Variants in OR4F15 observed in about 807,000 individuals in gnomAD.
The protein encoded by OR4F15 is olfactory receptor family 4 subfamily F member 15, also known as olfactory receptor 4F15.
In OR4F15, 7 loss-of-function variants were observed where a neutral mutation model predicts 11.9. The ratio of observed to expected loss-of-function variants is 0.59; its 90% CI spans 0.33 to 1.10. The LOEUF is 1.10. OR4F15 is among the 50% of genes least tolerant of loss of function. OR4F15 has a pLI of 0.03. For missense variants in OR4F15, 445 were observed against 377.5 expected, an observed-to-expected ratio of 1.18 and a Z score of -1.48; for synonymous variants, 151 against 134.6, an observed-to-expected ratio of 1.12 and a Z score of -0.84.
Position 101,819,351 on chromosome 15 carries a change from C to A in OR4F15, c.*226C>A. The A allele has an allele frequency of 2.1e-6, 1 of 477,942 alleles. No individual in the cohort carries two copies. Among genetic ancestry groups the A allele is most frequent in the Non-Finnish European group, 3.7e-6 (1 of 272,028 alleles). 29.6% of individuals were successfully genotyped at this position (477,942 alleles called of 1,614,324 possible). A position where few individuals can be genotyped will look rare whatever the true frequency, so the allele number is the denominator to read the frequency against. On this transcript the variant is annotated 3_prime_UTR_variant, in exon 2 of 2. Transcript: ENST00000332238. ...AATCTTAATGTCTTTTGTAACCTAC[C>A]ACTTTGAAAGACCTTGTTCTAGGTG... is the stretch of plus-strand genomic sequence containing the variant.
chr15:101,817,374 T>G (rs1312400017), intron 1 of OR4F15, among the ~76,000 whole-genome samples: 1 of 152,208 alleles, frequency 6.6e-6, no homozygotes, highest in African/African-American at 2.4e-5. Context: ...AATTTACGCC[T>G]TCATTCAACA....
Position 101,819,303 on chromosome 15 carries a change from G to A in OR4F15, c.*178G>A. ...AAGTGATGTTATCCTTTGGCACAGT[G>A]TGCATCAAAGTGCTAAATATTAAAT... On this transcript the variant is annotated 3_prime_UTR_variant, in exon 2 of 2. Transcript: ENST00000332238. 1 of 558,470 alleles carries A rather than the reference G, an allele frequency of 1.8e-6. No individual in the cohort carries two copies. Among genetic ancestry groups the A allele is most frequent in the Non-Finnish European group, 3.1e-6 (1 of 317,810 alleles). 34.6% of individuals were successfully genotyped at this position (558,470 alleles called of 1,614,324 possible). A position where few individuals can be genotyped will look rare whatever the true frequency, so the allele number is the denominator to read the frequency against.
At position 101,818,636 on chromosome 15, in the gene OR4F15, C is replaced by G; in HGVS notation, c.450C>G (p.Ile150Met). Residue 150 changes from isoleucine (I) to methionine (M), a missense_variant, in exon 2 of 2, where the codon ATC becomes ATG. Transcript: ENST00000332238. ...MCLYFLATSS[I>M]IGLIHSLVQL... is the part of the protein sequence containing the mutation. Reference sequence around the variant, plus strand: ...TATACTTTTTAGCCACTTCCTCTATCATTGGCCTTATCCACTCATTGGTCC... The same window carrying G: ...TATACTTTTTAGCCACTTCCTCTATGATTGGCCTTATCCACTCATTGGTCC... 1 of 1,614,134 alleles carries G rather than the reference C, an allele frequency of 6.2e-7. No homozygotes were observed. The highest frequency in any genetic ancestry group is 8.5e-7 in the Non-Finnish European group (1 of 1,179,984).
At chr15:101,813,516 A>G (rs920697598) in intron 1 of OR4F15, among the ~76,000 whole-genome samples, 1 of 151,888 alleles carries the variant, frequency 6.6e-6, no homozygotes, top group Non-Finnish European at 1.5e-5. Flanking sequence ...CTCAAAAAAA[A>G]AAAAAAAAAA....
chr15:101,816,386 C>T (rs1328035281), intron 1 of OR4F15, among the ~76,000 whole-genome samples: 1 of 152,122 alleles, frequency 6.6e-6, no homozygotes, highest in Non-Finnish European at 1.5e-5. Context: ...AGGAATGCAG[C>T]TCTGTTGACA....
intron 1 of OR4F15, among the ~76,000 whole-genome samples, chr15:101,812,991 C>G (rs529955872): frequency 6.6e-6 from 1 of 152,080 alleles, no homozygotes; most frequent in East Asian, 1.9e-4. Context: ...GAAGATGGAT[C>G]CTTTGAGGAA....
At chr15:101,815,393 C>T (rs866698022) in intron 1 of OR4F15, among the ~76,000 whole-genome samples, 1 of 151,420 alleles carries the variant, frequency 6.6e-6, no homozygotes, top group African/African-American at 2.4e-5. Flanking sequence ...GTATGTGAAA[C>T]ATGACCCCAC....
chr15:101,818,248 G>T lies in OR4F15; in HGVS notation c.62G>T (p.Arg21Leu), dbSNP rs142759394. ...EFVFMGLTNS[R>L]EIQLLLFVFS... ...GTATTCATGGGACTCACCAACTCAC[G>T]GGAGATTCAGCTTCTACTTTTTGTT... The change falls in exon 2 of 2, where the codon CGG becomes CTG. Residue 21 changes from arginine (R) to leucine (L), a missense_variant. Physicochemically the swap from Arg to Leu is moderately radical, Grantham distance 102 (BLOSUM62 -2). Coordinates refer to ENST00000332238, the MANE Select transcript of OR4F15 (RefSeq NM_001001674.2). 6.2e-7 allele frequency: 1 copy of T among 1,613,870 alleles called. No homozygotes were observed. Among genetic ancestry groups the T allele is most frequent in the South Asian group, 1.1e-5 (1 of 91,056 alleles).
intron 1 of OR4F15, among the ~76,000 whole-genome samples, chr15:101,813,844 G>C (rs891084246): frequency 1.3e-5 from 2 of 152,160 alleles, no homozygotes; most frequent in African/African-American, 4.8e-5. Flanking sequence ...CAATTGTTTA[G>C]TGTAAATAGA....
chr15:101,818,197 T>C lies in OR4F15; in HGVS notation c.11T>C (p.Met4Thr), dbSNP rs1903024765. 1 of 1,604,548 alleles carries C rather than the reference T, an allele frequency of 6.2e-7. No homozygotes were observed. Among genetic ancestry groups the C allele is most frequent in the East Asian group, 2.2e-5 (1 of 44,780 alleles). MNG[M>T]NHSVVSEFVF... is the part of the protein sequence containing the mutation. Reference sequence around the variant, plus strand: ...TTGGAGTCTGAGGCAATGAATGGAATGAATCACTCTGTGGTATCAGAATTT... The same window carrying C: ...TTGGAGTCTGAGGCAATGAATGGAACGAATCACTCTGTGGTATCAGAATTT... Residue 4 changes from methionine (M) to threonine (T), a missense_variant, in exon 2 of 2, where the codon ATG becomes ACG. Transcript: ENST00000332238.
In OR4F15 at chr15:101,813,508, CAAA is replaced by C. The variant is rs11311342; in HGVS notation, c.-38+1252_-38+1254del. 9.2e-3 allele frequency among the ~76,000 whole-genome samples: 985 copies of C among 107,312 alleles called. 13 individuals are homozygous for C. The highest frequency in any genetic ancestry group is 0.031 in the African/African-American group (883 of 28,218). 70.4% of individuals were successfully genotyped at this position (107,312 alleles called of 152,430 possible). On this transcript the variant is annotated intron_variant, in intron 1 of 1. Transcript: ENST00000332238. ...TGGGTGACAGAGTGAGAATCTGTCT[CAAA>C]AAAAAAAAAAAAAAATGCATGATAC...
At chr15:101,817,088 A>T (rs1395111455) in intron 1 of OR4F15, among the ~76,000 whole-genome samples, 1 of 152,222 alleles carries the variant, frequency 6.6e-6, no homozygotes, top group Non-Finnish European at 1.5e-5. Context: ...TTATATAAAA[A>T]TTGAGATTGA....
chr15:101,819,962 TTTAAAG>T lies in OR4F15; in HGVS notation c.*841_*846del, dbSNP rs1903077535. 2 of 152,212 alleles carry T rather than the reference TTTAAAG, an allele frequency of 1.3e-5. No individual in the cohort carries two copies. Among genetic ancestry groups the T allele is most frequent in the African/African-American group, 4.8e-5 (2 of 41,442 alleles). 9.4% of individuals were successfully genotyped at this position (152,212 alleles called of 1,614,324 possible). The stretch of plus-strand genomic sequence containing the variant: ...TAGTCCTATATTTAGAATATTCAAA[TTTAAAG>T]TTAGAGTGGATTACCAACACCATCT... On this transcript the variant is annotated 3_prime_UTR_variant, in exon 2 of 2. Transcript: ENST00000332238.
intron 1 of OR4F15, among the ~76,000 whole-genome samples, chr15:101,813,863 A>G (rs1902945892): frequency 6.6e-6 from 1 of 152,232 alleles, no homozygotes; most frequent in Non-Finnish European, 1.5e-5. Flanking sequence ...GATGATAACT[A>G]TAATTCATGT....
chr15:101,816,500 G>C (rs965851458), intron 1 of OR4F15, among the ~76,000 whole-genome samples: 1 of 152,056 alleles, frequency 6.6e-6, no homozygotes, highest in African/African-American at 2.4e-5. Flanking sequence ...GTGTGTGTGT[G>C]TGTGTGTGTG....
chr15:101,812,415 T>G (rs1434014644), intron 1 of OR4F15, 143 bp downstream of exon 1: 1 of 152,186 alleles, frequency 6.6e-6, no homozygotes, highest in Non-Finnish European at 1.5e-5. Flanking sequence ...TAGAAATGAC[T>G]TGGAGATCCA....
At chr15:101,812,648 G>T (rs1902926089) in intron 1 of OR4F15, among the ~76,000 whole-genome samples, 1 of 152,134 alleles carries the variant, frequency 6.6e-6, no homozygotes, top group African/African-American at 2.4e-5. Context: ...AAGTTCATCA[G>T]ATACTAGTCA....
chr15:101,814,045 G>T (rs192793450), intron 1 of OR4F15, among the ~76,000 whole-genome samples: 1 of 152,280 alleles, frequency 6.6e-6, no homozygotes, highest in East Asian at 1.9e-4. Context: ...GCCATTCAGC[G>T]ACCCAAAGAT....
At position 101,819,065 on chromosome 15, in the gene OR4F15, C is replaced by A. The variant is rs144280360; in HGVS notation, c.879C>A (p.Asp293Glu). The change falls in exon 2 of 2, where the codon GAC becomes GAA. Residue 293 changes from aspartate to glutamate, a missense_variant. Physicochemically the swap from Asp to Glu is conservative, Grantham distance 45. Coordinates refer to ENST00000332238, the MANE Select transcript of OR4F15 (RefSeq NM_001001674.2). ...TTATCTACACATTCAGGAACAAAGA[C>A]ATGAAAGTGGCAATGAGGAGACTGT... ...NPVIYTFRNK[D>E]MKVAMRRLCS... 2.7e-5 allele frequency: 43 copies of A among 1,613,916 alleles called. No homozygotes were observed. The highest frequency in any genetic ancestry group is 3.6e-5 in the Non-Finnish European group (42 of 1,179,934).
Sources: allele counts gnomAD v4.1 joint callset (sites outside exome capture counted in the v4.1 genomes callset), GRCh38; gene constraint gnomAD v4.1.1; transcripts MANE v1.5; gene names NCBI Gene and HGNC (gene_info 2026-07-23, HGNC 2026-07-21).